Variants in LRP1B observed in about 807,000 individuals in gnomAD.
LRP1B encodes LDL receptor related protein 1B, also known as low-density lipoprotein receptor-related protein 1B.
Under a neutral mutation model 556.6 loss-of-function variants are expected in LRP1B, and 217 were observed. The ratio of observed to expected loss-of-function variants is 0.39; its 90% CI spans 0.35 to 0.44. The LOEUF is 0.44. Ranked by LOEUF, LRP1B falls within the 20% of genes least tolerant of loss-of-function variation. The probability of loss-of-function intolerance (pLI) is 1.00; values close to 1 mark genes in which losing one functional copy is unlikely to be tolerated. For synonymous variants in LRP1B, 2,047 were observed against 1,865.8 expected, an observed-to-expected ratio of 1.10 and a Z score of -2.50; for missense variants, 5,053 against 5,620.8, an observed-to-expected ratio of 0.90 and a Z score of 3.23.
intron 2 of LRP1B, among the ~76,000 whole-genome samples, chr2:141,514,550 A>G (rs1051903747): frequency 3.3e-5 from 5 of 152,186 alleles, no homozygotes; most frequent in Admixed American, 2.6e-4. Flanking sequence ...CGTGGTAGAT[A>G]TAAGCTGGGC....
intron 32 of LRP1B, among the ~76,000 whole-genome samples, chr2:140,806,759 C>T (rs190197877): frequency 6.6e-6 from 1 of 152,278 alleles, no homozygotes; most frequent in Non-Finnish European, 1.5e-5. Flanking sequence ...TCCATTTACA[C>T]CAGCTCTTTC....
chr2:140,635,249 A>AT (rs1684031160), intron 41 of LRP1B, among the ~76,000 whole-genome samples: 1 of 152,068 alleles, frequency 6.6e-6, no homozygotes, highest in Non-Finnish European at 1.5e-5. Flanking sequence ...TACTGTGAAG[A>AT]TTAAATGCTA....
intron 31 of LRP1B, among the ~76,000 whole-genome samples, chr2:140,831,699 C>T (rs973346209): frequency 1.3e-5 from 2 of 152,036 alleles, no homozygotes; most frequent in Non-Finnish European, 2.9e-5. Flanking sequence ...AAGGTTTCTG[C>T]ACAGCAAAGG....
intron 11 of LRP1B, among the ~76,000 whole-genome samples, chr2:141,045,456 AAAAAG>A (rs1163978020): frequency 1.3e-5 from 2 of 152,026 alleles, no homozygotes; most frequent in Non-Finnish European, 2.9e-5. Context: ...TAATTAAAAA[AAAAAG>A]AAAGAGCATC....
chr2:140,744,214 T>C (rs1271186839), intron 35 of LRP1B, among the ~76,000 whole-genome samples: 5 of 152,088 alleles, frequency 3.3e-5, no homozygotes, highest in Non-Finnish European at 4.4e-5. Flanking sequence ...ACATATACCA[T>C]TGCATTGCAT....
chr2:140,476,903 T>G (rs1687998223), intron 59 of LRP1B, among the ~76,000 whole-genome samples: 1 of 152,090 alleles, frequency 6.6e-6, no homozygotes, highest in South Asian at 2.1e-4. Flanking sequence ...ACATATTAAC[T>G]TTAAACATAC....
intron 23 of LRP1B, among the ~76,000 whole-genome samples, chr2:140,887,954 T>C (rs973216731): frequency 1.3e-5 from 2 of 152,152 alleles, no homozygotes; most frequent in African/African-American, 4.8e-5. Context: ...ATTAAAGTGC[T>C]CAAAATTAAA....
At chr2:141,538,733 G>A (rs1419656083) in intron 2 of LRP1B, among the ~76,000 whole-genome samples, 1 of 150,790 alleles carries the variant, frequency 6.6e-6, no homozygotes, top group African/African-American at 2.4e-5. Flanking sequence ...TCCACCTCCC[G>A]ATTCAAGCAA....
intron 21 of LRP1B, among the ~76,000 whole-genome samples, chr2:140,911,899 G>A (rs1694430508): frequency 6.6e-6 from 1 of 151,696 alleles, no homozygotes; most frequent in Admixed American, 6.6e-5. Flanking sequence ...ATCTTTTAGA[G>A]TCAGAATAGC....
chr2:140,891,535 T>A (rs1315275568), intron 23 of LRP1B, among the ~76,000 whole-genome samples: 1 of 152,162 alleles, frequency 6.6e-6, no homozygotes, highest in Non-Finnish European at 1.5e-5. Flanking sequence ...ATTTAGGAAT[T>A]TATTTGAACT....
At chr2:141,427,405 C>T (rs1368103130) in intron 3 of LRP1B, among the ~76,000 whole-genome samples, 1 of 152,032 alleles carries the variant, frequency 6.6e-6, no homozygotes, top group Non-Finnish European at 1.5e-5. Flanking sequence ...TATGGCTTGA[C>T]AAGAATAGAA....
intron 1 of LRP1B, among the ~76,000 whole-genome samples, chr2:142,042,631 G>A (rs905217308): frequency 6.6e-6 from 1 of 151,446 alleles, no homozygotes; most frequent in African/African-American, 2.4e-5. Flanking sequence ...GCTTGCCTTA[G>A]CTATATATAC....
chr2:141,476,770 C>T (rs1285042180), intron 3 of LRP1B, among the ~76,000 whole-genome samples: 1 of 151,998 alleles, frequency 6.6e-6, no homozygotes, highest in African/African-American at 2.4e-5. Context: ...AATTTTTTCC[C>T]TTATTAGTTT....
chr2:142,086,635 ACAAAC>A (rs763731271), intron 1 of LRP1B, among the ~76,000 whole-genome samples: 5 of 29,306 alleles, frequency 1.7e-4, no homozygotes, highest in Non-Finnish European at 4.8e-4. Flanking sequence ...AAACAAACAA[ACAAAC>A]AAAAAAAAAA....
At chr2:140,487,803 G>C (rs2105367218) in intron 57 of LRP1B, 64 bp from the exon 58 acceptor site, 1 of 1,101,322 alleles carries the variant, frequency 9.1e-7, no homozygotes, top group Non-Finnish European at 1.3e-6. Context: ...AATGTTTTAG[G>C]AGTTTACAGG....
chr2:140,358,643 C>A (rs1422065522), intron 73 of LRP1B, among the ~76,000 whole-genome samples, 178 bp downstream of exon 73: 1 of 151,574 alleles, frequency 6.6e-6, no homozygotes, highest in African/African-American at 2.4e-5. Flanking sequence ...AAGGTGCACA[C>A]CTATAAGGCA....
At chr2:141,202,599 A>G (rs542558597) in intron 6 of LRP1B, among the ~76,000 whole-genome samples, 1 of 151,840 alleles carries the variant, frequency 6.6e-6, no homozygotes, top group South Asian at 2.1e-4. Context: ...TGTCTTTTTA[A>G]TAATAGCCAT....
intron 1 of LRP1B, among the ~76,000 whole-genome samples, chr2:142,115,017 G>T (rs893134558): frequency 1.3e-5 from 2 of 152,016 alleles, no homozygotes; most frequent in African/African-American, 4.8e-5. Flanking sequence ...AATATGTACA[G>T]CTTCTATGAA....
chr2:141,346,355 G>T lies in LRP1B; in HGVS notation c.344-91714C>A, dbSNP rs557769522. Among the ~76,000 whole-genome samples the T allele has an allele frequency of 1.5e-3, 234 of 152,230 alleles. 1 individual carries two copies. The highest frequency in any genetic ancestry group is 2.6e-3 in the Non-Finnish European group (177 of 68,000). On this transcript the variant is annotated intron_variant, in intron 3 of 90. Transcript: ENST00000389484. ...TATAGGGAGATCTTTACAAGGGGGT[G>T]ATCTGACTGAACACTTCACTGAGAG...
Sources: gnomAD v4.1 joint callset for allele counts (sites outside exome capture counted in the v4.1 genomes callset) on GRCh38, gnomAD v4.1.1 for gene constraint, MANE v1.5 for transcripts, NCBI Gene and HGNC (gene_info 2026-07-23, HGNC 2026-07-21) for gene names.